Variants in CNTNAP2 observed in about 807,000 individuals in gnomAD.
The protein encoded by CNTNAP2 is contactin associated protein 2, also known as contactin-associated protein-like 2.
In CNTNAP2, 98 loss-of-function variants were observed where a neutral mutation model predicts 155.2. The observed-to-expected ratio is 0.63, with a 90% CI of 0.54 to 0.75. The LOEUF (loss-of-function observed/expected upper bound fraction) is 0.75, where lower values mean the gene tolerates loss of function less well. Ranked by LOEUF, CNTNAP2 falls within the 30% of genes least tolerant of loss-of-function variation. CNTNAP2 has a pLI of 0.00. For synonymous variants in CNTNAP2, 651 were observed against 631.2 expected (o/e 1.03, Z -0.47); for missense variants, 1,727 against 1,688.1 (o/e 1.02, Z -0.40).
At chr7:146,159,730 A>G (rs1365764694) in intron 1 of CNTNAP2, among the ~76,000 whole-genome samples, 7 of 152,228 alleles carry the variant, frequency 4.6e-5, no homozygotes, top group African/African-American at 1.4e-4. Flanking sequence ...GAGCACACAG[A>G]TTCATAAAAC....
chr7:147,676,947 G>T (rs1182546607), intron 13 of CNTNAP2, among the ~76,000 whole-genome samples: 2 of 151,838 alleles, frequency 1.3e-5, no homozygotes. Context: ...CATCTCAGCT[G>T]TTGTGAATAA....
intron 3 of CNTNAP2, among the ~76,000 whole-genome samples, chr7:146,949,517 A>G (rs1215654069): frequency 6.6e-6 from 1 of 152,040 alleles, no homozygotes; most frequent in African/African-American, 2.4e-5. Flanking sequence ...TTCCATCACC[A>G]TCCTTTTCAA....
At chr7:148,206,351 C>T (rs1486967889) in intron 18 of CNTNAP2, among the ~76,000 whole-genome samples, 3 of 149,908 alleles carry the variant, frequency 2.0e-5, no homozygotes, top group South Asian at 2.1e-4. Flanking sequence ...CTAAATATAA[C>T]ATATTTAATA....
intron 21 of CNTNAP2, among the ~76,000 whole-genome samples, chr7:148,296,081 G>A (rs571527079): frequency 3.7e-4 from 56 of 152,236 alleles, no homozygotes; most frequent in Admixed American, 1.4e-3. Context: ...TCAAAGAACA[G>A]AAATGTAGAA....
intron 6 of CNTNAP2, among the ~76,000 whole-genome samples, chr7:147,127,970 T>C (rs1203389204): frequency 1.3e-5 from 2 of 152,166 alleles, no homozygotes; most frequent in East Asian, 3.8e-4. Context: ...CTATAGTGTA[T>C]ATTGATCAAA....
At chr7:146,851,071 G>A (rs1363069378) in intron 3 of CNTNAP2, among the ~76,000 whole-genome samples, 1 of 151,886 alleles carries the variant, frequency 6.6e-6, no homozygotes, top group Non-Finnish European at 1.5e-5. Context: ...TGCAACCTCC[G>A]CCTCCCAAGT....
At chr7:147,344,628 A>G (rs1036192609) in intron 9 of CNTNAP2, among the ~76,000 whole-genome samples, 1 of 152,182 alleles carries the variant, frequency 6.6e-6, no homozygotes, top group Non-Finnish European at 1.5e-5. Context: ...AAACTTTTGT[A>G]GATACTTCAG....
At chr7:147,036,728 T>G (rs1175676302) in intron 3 of CNTNAP2, among the ~76,000 whole-genome samples, 1 of 152,188 alleles carries the variant, frequency 6.6e-6, no homozygotes, top group Non-Finnish European at 1.5e-5. Context: ...TTTGTCTAAA[T>G]GAAGGTTTGA....
intron 14 of CNTNAP2, among the ~76,000 whole-genome samples, chr7:147,932,937 A>G (rs1437782223): frequency 6.6e-6 from 1 of 152,192 alleles, no homozygotes; most frequent in African/African-American, 2.4e-5. Flanking sequence ...AAGATATACA[A>G]CTGGGCAATA....
chr7:146,742,111 A>G (rs1801728419), intron 1 of CNTNAP2, among the ~76,000 whole-genome samples: 1 of 149,872 alleles, frequency 6.7e-6, no homozygotes, highest in Admixed American at 6.7e-5. Flanking sequence ...GCAGTGTTCC[A>G]GTGAGCCAGT....
rs146142620 is a variant in CNTNAP2, at chr7:146,972,592, A to G, written c.403-71315A>G. On this transcript the variant is annotated intron_variant, in intron 3 of 23. Coordinates refer to ENST00000361727, the MANE Select transcript of CNTNAP2 (RefSeq NM_014141.6). Reference sequence around the variant, plus strand: ...TGATGTAACAAATTTTTTCATATATAAAATGAAAATTTTGGAGATTAACAC... The same window carrying G: ...TGATGTAACAAATTTTTTCATATATGAAATGAAAATTTTGGAGATTAACAC... Among the ~76,000 whole-genome samples the G allele has an allele frequency of 2.2e-3, 329 of 152,282 alleles. 2 individuals carry two copies. The highest frequency in any genetic ancestry group is 3.1e-3 in the Admixed American group (47 of 15,290).
At chr7:148,224,889 A>T (rs1253522335) in intron 19 of CNTNAP2, among the ~76,000 whole-genome samples, 1 of 152,200 alleles carries the variant, frequency 6.6e-6, no homozygotes, top group Non-Finnish European at 1.5e-5. Flanking sequence ...CGATCTCATC[A>T]CAACTCAGTC....
At position 147,121,103 on chromosome 7, in the gene CNTNAP2, C is replaced by A. The variant is rs1462620531; in HGVS notation, c.879C>A (p.Asp293Glu). 6.2e-7 allele frequency: 1 copy of A among 1,614,162 alleles called. No homozygotes were observed. Among genetic ancestry groups the A allele is most frequent in the Non-Finnish European group, 8.5e-7 (1 of 1,180,030 alleles). The change falls in exon 6 of 24, where the codon GAC (aspartate) becomes GAA (glutamate). Residue 293 changes from aspartate (D) to glutamate (E), a missense_variant. Physicochemically the swap from Asp to Glu is conservative, Grantham distance 45. Coordinates refer to ENST00000361727, the MANE Select transcript of CNTNAP2 (RefSeq NM_014141.6). ...RQGRSINLTL[D>E]RSMQHFRTNG... ...GGCGGAGCATTAACCTCACTCTGGA[C>A]AGGAGCATGCAGCACTTCCGTACCA...
chr7:147,947,630 C>T (rs1800844421), intron 14 of CNTNAP2, among the ~76,000 whole-genome samples: 1 of 151,702 alleles, frequency 6.6e-6, no homozygotes, highest in Admixed American at 6.6e-5. Context: ...GACCCTGTCT[C>T]TAAAAAAACA....
At chr7:147,325,920 A>G (rs917436534) in intron 9 of CNTNAP2, among the ~76,000 whole-genome samples, 10 of 151,840 alleles carry the variant, frequency 6.6e-5, no homozygotes, top group African/African-American at 2.4e-4. Flanking sequence ...ACTAACCAGC[A>G]TTCTATTTTC....
rs917900462 is a variant in CNTNAP2, at chr7:147,779,116, G to T, written c.2099-124449G>T. Among the ~76,000 whole-genome samples, 3 of 152,148 alleles carry T rather than the reference G, an allele frequency of 2.0e-5. 1 individual carries two copies. The highest frequency in any genetic ancestry group is 2.0e-4 in the Admixed American group (3 of 15,268). ...AAGCAATCCAACCATTTCAAAGAGG[G>T]TGTACCCTCCAGATAATAGTGAATA... On this transcript the variant is annotated intron_variant, in intron 13 of 23. Coordinates refer to ENST00000361727, the MANE Select transcript of CNTNAP2 (RefSeq NM_014141.6).
intron 1 of CNTNAP2, among the ~76,000 whole-genome samples, chr7:146,310,360 A>G (rs2129090481): frequency 1.3e-5 from 2 of 152,278 alleles, no homozygotes; most frequent in African/African-American, 4.8e-5. Flanking sequence ...AATTTGTATC[A>G]GTGTTTTTTA....
intron 13 of CNTNAP2, among the ~76,000 whole-genome samples, chr7:147,748,543 G>C (rs1797083275): frequency 6.6e-6 from 1 of 152,180 alleles, no homozygotes; most frequent in Non-Finnish European, 1.5e-5. Flanking sequence ...ACTGGCACTA[G>C]TTTCAGGCAC....
chr7:146,235,305 C>T (rs1799454683), intron 1 of CNTNAP2, among the ~76,000 whole-genome samples: 1 of 145,560 alleles, frequency 6.9e-6, no homozygotes, highest in African/African-American at 2.5e-5. Context: ...CCTTTATTTT[C>T]TGCTTGAGTG....
Sources: gnomAD v4.1 joint callset for allele counts (sites outside exome capture counted in the v4.1 genomes callset) on GRCh38, gnomAD v4.1.1 for gene constraint, MANE v1.5 for transcripts, NCBI Gene and HGNC (gene_info 2026-07-23, HGNC 2026-07-21) for gene names.